Variants in LPAR1 observed in about 807,000 individuals in gnomAD.
LPAR1 encodes lysophosphatidic acid receptor 1.
Under a neutral mutation model 23.8 loss-of-function variants are expected in LPAR1, and 5 were observed. The ratio of observed to expected loss-of-function variants is 0.21; its 90% CI spans 0.11 to 0.44. The LOEUF is 0.44. LPAR1 is among the 20% of genes least tolerant of loss of function. The probability of loss-of-function intolerance (pLI) is 0.99; values close to 1 mark genes in which losing one functional copy is unlikely to be tolerated. For missense variants in LPAR1, 311 were observed against 482.8 expected (o/e 0.64, Z 3.33); for synonymous variants, 160 against 164.7 (o/e 0.97, Z 0.22).
At chr9:110,988,263 A>T (rs184515126) in intron 2 of LPAR1, among the ~76,000 whole-genome samples, 4 of 152,236 alleles carry the variant, frequency 2.6e-5, no homozygotes, top group Admixed American at 2.0e-4. Context: ...AGAAAATTAT[A>T]CCACATGAAA....
intron 4 of LPAR1, among the ~76,000 whole-genome samples, chr9:110,968,338 G>A (rs2096287004): frequency 6.6e-6 from 1 of 152,104 alleles, no homozygotes; most frequent in Non-Finnish European, 1.5e-5. Context: ...CTGTGAGTTG[G>A]TATAGGTGGC....
At chr9:110,996,384 C>T (rs2097005422) in intron 2 of LPAR1, among the ~76,000 whole-genome samples, 1 of 151,846 alleles carries the variant, frequency 6.6e-6, no homozygotes, top group South Asian at 2.1e-4. Flanking sequence ...TAGCAAGATG[C>T]CATCTCTACT....
intron 2 of LPAR1, among the ~76,000 whole-genome samples, chr9:111,024,541 TGTGTATATATATACACACAC>T (rs1221207961): frequency 1.8e-5 from 2 of 111,490 alleles, no homozygotes; most frequent in Non-Finnish European, 3.9e-5. Context: ...AGTGTGTGTG[TGTGTATATATATACACACAC>T]ATATATATAC....
chr9:110,988,116 G>A (rs888246136), intron 2 of LPAR1, among the ~76,000 whole-genome samples: 1 of 151,776 alleles, frequency 6.6e-6, no homozygotes, highest in African/African-American at 2.4e-5. Context: ...TATCAATCTA[G>A]AACTTTATAC....
chr9:110,973,250 C>T (rs2096476691), intron 3 of LPAR1, among the ~76,000 whole-genome samples: 1 of 152,076 alleles, frequency 6.6e-6, no homozygotes. Context: ...ACCATAATAC[C>T]GTCAAGTGAT....
intron 4 of LPAR1, among the ~76,000 whole-genome samples, chr9:110,964,664 T>C (rs1305720761): frequency 3.6e-5 from 1 of 27,970 alleles, no homozygotes; most frequent in Non-Finnish European, 6.6e-5. Flanking sequence ...GACGAATCTT[T>C]CAGCCTCAAA....
chr9:110,978,527 G>A lies in LPAR1; in HGVS notation c.-181-4969C>T, dbSNP rs573285625. Among the ~76,000 whole-genome samples, 4 of 152,166 alleles carry A rather than the reference G, an allele frequency of 2.6e-5. No homozygotes were observed. The South Asian group carries it at 8.3e-4, about 32-fold the overall frequency. ...ATATACAACAATTTAGATAAAATGG[G>A]GAAATTTTTCAAACTATGTATCATT... On this transcript the variant is annotated intron_variant, in intron 2 of 5. Transcript: ENST00000683809.
rs11999214 is a variant in LPAR1, at chr9:110,921,685, C to G, written c.793+19736G>C. ...CGGGTTGATACTCCAAGAAAAGGAG[C>G]GATGAGATGTGGTCTCAGCATACAG... On this transcript the variant is annotated intron_variant, in intron 5 of 5. Coordinates refer to ENST00000683809, the MANE Select transcript of LPAR1 (RefSeq NM_001351411.2). Among the ~76,000 whole-genome samples the G allele has an allele frequency of 7.2e-5, 11 of 152,214 alleles. No individual in the cohort carries two copies. The East Asian group carries it at 1.9e-3, about 27-fold the overall frequency.
At chr9:110,932,497 C>T (rs1314880821) in intron 5 of LPAR1, among the ~76,000 whole-genome samples, 1 of 152,244 alleles carries the variant, frequency 6.6e-6, no homozygotes, top group African/African-American at 2.4e-5. Flanking sequence ...ACATGCCAGA[C>T]ATGGCCCTTC....
At chr9:111,029,576 T>C (rs60213148) in intron 2 of LPAR1, among the ~76,000 whole-genome samples, 18,462 of 151,874 alleles carry the variant, frequency 0.12, 1,291 homozygotes, top group South Asian at 0.21. Flanking sequence ...TGCAAGTCAT[T>C]TCCCTCCTCT....
At chr9:111,020,374 A>T (rs575660313) in intron 2 of LPAR1, among the ~76,000 whole-genome samples, 1 of 152,316 alleles carries the variant, frequency 6.6e-6, no homozygotes, top group East Asian at 1.9e-4. Context: ...ATGACCAAAC[A>T]CTTGAAGAGA....
intron 4 of LPAR1, among the ~76,000 whole-genome samples, chr9:110,962,806 AG>A (rs2096054433): frequency 1.3e-5 from 2 of 152,142 alleles, no homozygotes; most frequent in Non-Finnish European, 2.9e-5. Flanking sequence ...ACCAAATGGC[AG>A]TATTAATATT....
chr9:111,003,501 G>A (rs1477356332), intron 2 of LPAR1, among the ~76,000 whole-genome samples: 3 of 152,136 alleles, frequency 2.0e-5, no homozygotes, highest in Non-Finnish European at 4.4e-5. Context: ...GGCTATGTTG[G>A]GTGCTAAAAG....
chr9:110,937,353 A>G (rs1234847180), intron 5 of LPAR1, among the ~76,000 whole-genome samples: 1 of 152,192 alleles, frequency 6.6e-6, no homozygotes, highest in Non-Finnish European at 1.5e-5. Context: ...GGGAAGTAGA[A>G]TAACATGGAG....
intron 4 of LPAR1, among the ~76,000 whole-genome samples, chr9:110,969,137 T>G (rs2096323029): frequency 6.6e-6 from 1 of 152,058 alleles, no homozygotes; most frequent in South Asian, 2.1e-4. Flanking sequence ...GGAATAAGAT[T>G]TTGTTGGATA....
At chr9:111,025,621 C>T (rs2097675166) in intron 2 of LPAR1, among the ~76,000 whole-genome samples, 1 of 152,166 alleles carries the variant, frequency 6.6e-6, no homozygotes, top group African/African-American at 2.4e-5. Flanking sequence ...AGTCTTTGCC[C>T]ATGCCTGTGT....
chr9:110,897,630 T>C (rs1379801663), intron 5 of LPAR1, among the ~76,000 whole-genome samples: 3 of 152,236 alleles, frequency 2.0e-5, no homozygotes, highest in Non-Finnish European at 4.4e-5. Context: ...TTCCATAAGT[T>C]AGAGGCATCT....
chr9:110,989,902 A>C (rs992006849), intron 2 of LPAR1, among the ~76,000 whole-genome samples: 8 of 152,158 alleles, frequency 5.3e-5, no homozygotes, highest in African/African-American at 1.7e-4. Flanking sequence ...AAAGGATAAA[A>C]AAACGAAATA....
chr9:110,977,846 GGGAA>G (rs1196226719), intron 2 of LPAR1, among the ~76,000 whole-genome samples: 13,772 of 74,850 alleles, frequency 0.18, 1,652 homozygotes, highest in East Asian at 0.24. Context: ...GAAGGAAGGA[GGGAA>G]GGAAGGAAGG....
Sources: allele counts gnomAD v4.1 joint callset (sites outside exome capture counted in the v4.1 genomes callset), GRCh38; gene constraint gnomAD v4.1.1; transcripts MANE v1.5; gene names NCBI Gene and HGNC (gene_info 2026-07-23, HGNC 2026-07-21).